NELL1: variants seen among roughly 807,000 people sequenced by gnomAD.
NELL1 encodes the protein protein kinase C-binding protein NELL1.
A neutral mutation model predicts 107.4 loss-of-function variants in NELL1; 76 were observed. The observed-to-expected ratio is 0.71, with a 90% CI of 0.59 to 0.86. The LOEUF is 0.86. Among genes scored for constraint, NELL1 ranks in the 40% least tolerant of loss-of-function variants. The pLI, the probability that NELL1 is intolerant of heterozygous loss-of-function variation, is 0.00. For missense variants in NELL1, 1,024 were observed against 1,005.5 expected (o/e 1.02, Z -0.25); for synonymous variants, 353 against 341.2 (o/e 1.03, Z -0.38).
At chr11:21,336,273 A>G (rs896693351) in intron 14 of NELL1, among the ~76,000 whole-genome samples, 4 of 152,038 alleles carry the variant, frequency 2.6e-5, no homozygotes, top group African/African-American at 9.7e-5. Context: ...ACTGTTAGCC[A>G]GGAACTGTGC....
At position 20,970,116 on chromosome 11, in the gene NELL1, A is replaced by G. The variant is rs143281595; in HGVS notation, c.1300+9556A>G. 4.1e-5 allele frequency among the ~76,000 whole-genome samples: 5 copies of G among 120,548 alleles called. No homozygotes were observed. In the East Asian group the frequency reaches 1.4e-3, roughly 33 times the overall value. The allele number at this position is 120,548 out of a possible 152,430, so 79.1% of individuals were successfully genotyped here. A position where few individuals can be genotyped will look rare whatever the true frequency, so the allele number is the denominator to read the frequency against. ...CCATCCGTACTCTGAACATAGAGATATATCTACCAACATGTATATTGAGCC... is the reference window on the plus strand; with the variant it reads ...CCATCCGTACTCTGAACATAGAGATGTATCTACCAACATGTATATTGAGCC... On this transcript the variant is annotated intron_variant, in intron 12 of 19. Coordinates refer to ENST00000357134, the MANE Select transcript of NELL1 (RefSeq NM_006157.5).
At chr11:21,385,228 G>A (rs1456924653) in intron 15 of NELL1, among the ~76,000 whole-genome samples, 3 of 151,814 alleles carry the variant, frequency 2.0e-5, no homozygotes, top group African/African-American at 7.3e-5. Flanking sequence ...CAGAAGGGCA[G>A]GGGTTCTGTC....
At chr11:21,563,291 C>T (rs1157968144) in intron 17 of NELL1, among the ~76,000 whole-genome samples, 1 of 152,034 alleles carries the variant, frequency 6.6e-6, no homozygotes, top group Non-Finnish European at 1.5e-5. Context: ...GTAGAGACGT[C>T]CCCAGCTTAT....
At chr11:21,493,062 G>A (rs1038403356) in intron 15 of NELL1, among the ~76,000 whole-genome samples, 2 of 151,950 alleles carry the variant, frequency 1.3e-5, no homozygotes, top group African/African-American at 4.8e-5. Context: ...CAGTTAGAAT[G>A]GCTATTATTA....
intron 13 of NELL1, among the ~76,000 whole-genome samples, chr11:21,150,903 T>C (rs1006737346): frequency 6.6e-6 from 1 of 152,032 alleles, no homozygotes; most frequent in South Asian, 2.1e-4. Flanking sequence ...CTTATAATCA[T>C]GGTGGAAGGG....
chr11:20,708,640 A>G (rs1022173917), intron 2 of NELL1, among the ~76,000 whole-genome samples: 1 of 152,048 alleles, frequency 6.6e-6, no homozygotes, highest in Non-Finnish European at 1.5e-5. Flanking sequence ...TGTCAGATGC[A>G]TAATTTGTGA....
intron 13 of NELL1, among the ~76,000 whole-genome samples, chr11:21,157,161 ATGTGTG>A (rs58571261): frequency 2.7e-5 from 4 of 149,626 alleles, no homozygotes; most frequent in Admixed American, 6.7e-5. Context: ...ATATATATAT[ATGTGTG>A]TGTGTGTGTG....
intron 4 of NELL1, 64 bp from the exon 5 acceptor site, chr11:20,885,380 C>T (rs1849487046): frequency 2.0e-6 from 2 of 983,818 alleles, no homozygotes; most frequent in Non-Finnish European, 3.3e-6. Context: ...CTTCAAACAG[C>T]ATATGCACCT....
intron 12 of NELL1, among the ~76,000 whole-genome samples, chr11:21,016,446 T>C (rs1357165748): frequency 6.6e-6 from 1 of 152,092 alleles, no homozygotes; most frequent in Non-Finnish European, 1.5e-5. Context: ...CATGATTTAG[T>C]TCCACCACCT....
At chr11:21,306,562 G>T (rs1849609369) in intron 14 of NELL1, among the ~76,000 whole-genome samples, 1 of 151,864 alleles carries the variant, frequency 6.6e-6, no homozygotes, top group Non-Finnish European at 1.5e-5. Flanking sequence ...TTTCTCATTG[G>T]GTGTTCTGAG....
chr11:21,475,837 T>C (rs1369134412), intron 15 of NELL1, among the ~76,000 whole-genome samples: 2 of 152,210 alleles, frequency 1.3e-5, no homozygotes, highest in Admixed American at 6.6e-5. Flanking sequence ...CTGTTTGGTA[T>C]GATTTTGGGT....
chr11:21,526,287 G>A lies in NELL1; in HGVS notation c.1646-8087G>A, dbSNP rs567352801. On this transcript the variant is annotated intron_variant, in intron 15 of 19. Coordinates refer to ENST00000357134, the MANE Select transcript of NELL1 (RefSeq NM_006157.5). ...GTCTCACATCCAGGTCACACTGATGGAAGAATTGGGTTCCCACAGCCTTGG... is the reference window on the plus strand; with the variant it reads ...GTCTCACATCCAGGTCACACTGATGAAAGAATTGGGTTCCCACAGCCTTGG... Among the ~76,000 whole-genome samples, 115 of 152,312 alleles carry A rather than the reference G, an allele frequency of 7.6e-4. 1 individual carries two copies. Among genetic ancestry groups the A allele is most frequent in the Non-Finnish European group, 1.2e-3 (84 of 68,034 alleles).
intron 16 of NELL1, among the ~76,000 whole-genome samples, chr11:21,544,630 C>G (rs1856385548): frequency 6.6e-6 from 1 of 151,850 alleles, no homozygotes; most frequent in African/African-American, 2.4e-5. Context: ...ACTTTATCCT[C>G]AAAACAACTC....
intron 7 of NELL1, among the ~76,000 whole-genome samples, chr11:20,921,418 G>T (rs1486727092): frequency 2.0e-5 from 3 of 152,106 alleles, no homozygotes; most frequent in East Asian, 1.9e-4. Flanking sequence ...GTCCAGGAAG[G>T]TCTGATAACT....
chr11:20,690,923 T>G (rs1291348119), intron 2 of NELL1, among the ~76,000 whole-genome samples: 2 of 151,998 alleles, frequency 1.3e-5, no homozygotes, highest in African/African-American at 4.8e-5. Flanking sequence ...GAGCATGGAA[T>G]GTTCTTCCAT....
At chr11:20,835,898 T>A (rs1848526774) in intron 3 of NELL1, among the ~76,000 whole-genome samples, 1 of 152,154 alleles carries the variant, frequency 6.6e-6, no homozygotes, top group African/African-American at 2.4e-5. Flanking sequence ...ACATGAATAG[T>A]ATGATCCATG....
intron 13 of NELL1, among the ~76,000 whole-genome samples, chr11:21,225,174 A>G (rs1353053044): frequency 1.3e-5 from 2 of 152,154 alleles, no homozygotes; most frequent in African/African-American, 4.8e-5. Context: ...TGCAGGGACT[A>G]CTGGATCCTA....
At chr11:21,049,989 C>T (rs1358848735) in intron 12 of NELL1, among the ~76,000 whole-genome samples, 1 of 152,082 alleles carries the variant, frequency 6.6e-6, no homozygotes, top group Non-Finnish European at 1.5e-5. Context: ...AATTGGGAAA[C>T]ATATATATGT....
chr11:21,251,768 T>C (rs1858644324), intron 14 of NELL1, among the ~76,000 whole-genome samples: 1 of 152,070 alleles, frequency 6.6e-6, no homozygotes, highest in Non-Finnish European at 1.5e-5. Flanking sequence ...TTCAAGGCGA[T>C]GGAATGGATC....
Sources: allele counts gnomAD v4.1 joint callset (sites outside exome capture counted in the v4.1 genomes callset), GRCh38; gene constraint gnomAD v4.1.1; transcripts MANE v1.5; gene names NCBI Gene and HGNC (gene_info 2026-07-23, HGNC 2026-07-21).